BRWD3: variants seen among roughly 807,000 people sequenced by gnomAD.
BRWD3 encodes the protein bromodomain and WD repeat domain containing 3, also known as bromodomain and WD repeat-containing protein 3.
A neutral mutation model predicts 149.7 loss-of-function variants in BRWD3; 10 were observed. The ratio of observed to expected loss-of-function variants is 0.07; its 90% confidence interval spans 0.04 to 0.11. The LOEUF is 0.11. Ranked by LOEUF, BRWD3 falls within the 10% of genes least tolerant of loss-of-function variation. The pLI, the probability that BRWD3 is intolerant of heterozygous loss-of-function variation, is 1.00. For synonymous variants in BRWD3, 504 were observed against 456.7 expected, an observed-to-expected ratio of 1.10 and a Z score of -1.32; for missense variants, 940 against 1,373.2, an observed-to-expected ratio of 0.68 and a Z score of 4.99.
At chrX:80,769,797 C>T (rs1173294935) in intron 6 of BRWD3, among the ~76,000 whole-genome samples, 3 of 108,855 alleles carry the variant, frequency 2.8e-5, no homozygotes, top group East Asian at 5.8e-4. Context: ...AAAAAAAAAT[C>T]AATGAATCCA....
chrX:80,808,640 G>A (rs1289455955), intron 3 of BRWD3, 42 bp from the exon 4 acceptor site: 3 of 1,150,247 alleles, frequency 2.6e-6, no homozygotes, highest in Non-Finnish European at 2.4e-6. Context: ...GGAGGCAAAT[G>A]ATGAAGGAAA....
intron 26 of BRWD3, 131 bp downstream of exon 26, chrX:80,696,608 T>C (rs921088487): frequency 4.2e-6 from 3 of 721,515 alleles, no homozygotes; most frequent in Non-Finnish European, 6.3e-6. Context: ...TAAACTCTGG[T>C]CTTTATAATT....
At chrX:80,775,280 G>A (rs2073988882) in intron 6 of BRWD3, among the ~76,000 whole-genome samples, 2 of 111,259 alleles carry the variant, frequency 1.8e-5, no homozygotes, top group Admixed American at 9.6e-5. Flanking sequence ...AGAATAATTG[G>A]GCCCCTACCT....
rs1442251394 is a variant in BRWD3, at chrX:80,701,830, C to A, written c.2835+1650G>T. Among the ~76,000 whole-genome samples, 23 of 110,709 alleles carry A rather than the reference C, an allele frequency of 2.1e-4. No homozygotes were observed. In the Admixed American group the frequency reaches 2.1e-3, roughly 10 times the overall value. On this transcript the variant is annotated intron_variant, in intron 24 of 40. Transcript: ENST00000373275. ...TCCACAAATACTGATCATTGAACATCTATGTGTAGGCACTAGATGCTGTGA... is the reference window on the plus strand; with the variant it reads ...TCCACAAATACTGATCATTGAACATATATGTGTAGGCACTAGATGCTGTGA...
At position 80,670,396 on chromosome X, in the gene BRWD3, T is replaced by C. The variant is rs1252045820; in HGVS notation, c.*6213A>G. Among the ~76,000 whole-genome samples, 3 of 110,585 alleles carry C rather than the reference T, an allele frequency of 2.7e-5. No homozygotes were observed. Among genetic ancestry groups the C allele is most frequent in the Middle Eastern group, 4.7e-3 (1 of 212 alleles). On this transcript the variant is annotated 3_prime_UTR_variant, in exon 41 of 41. Coordinates refer to ENST00000373275, the MANE Select transcript of BRWD3 (RefSeq NM_153252.5). ...GCTTTAAATTGTCAAGAACATATAA[T>C]TGAGAGAGGATGGAGAGCACCTTTT...
At chrX:80,713,425 T>C (rs1602340753) in intron 20 of BRWD3, among the ~76,000 whole-genome samples, 1 of 111,855 alleles carries the variant, frequency 8.9e-6, no homozygotes, top group Non-Finnish European at 1.9e-5. Flanking sequence ...ATGTGCTGTG[T>C]CCACTCAGAG....
At chrX:80,760,403 T>C (rs1039015453) in intron 6 of BRWD3, among the ~76,000 whole-genome samples, 2 of 111,865 alleles carry the variant, frequency 1.8e-5, no homozygotes, top group Admixed American at 9.5e-5. Flanking sequence ...TAATTAAAAC[T>C]GAATACAATT....
At chrX:80,742,391 T>G (rs1343022505) in intron 8 of BRWD3, among the ~76,000 whole-genome samples, 2 of 80,046 alleles carry the variant, frequency 2.5e-5, no homozygotes, top group East Asian at 7.9e-4. Flanking sequence ...CTTGGCAATG[T>G]GGGCTCTTTT....
Position 80,690,018 on chromosome X carries a change from G to T in BRWD3, c.3677C>A (p.Pro1226His). Residue 1226 changes from proline to histidine, a missense_variant, in exon 32 of 41, where the codon CCT (proline) becomes CAT (histidine). Pro to His is a moderately conservative substitution (Grantham distance 77). This residue lies in a region of BRWD3 where 349 missense variants were observed against 419.6 expected (regional missense o/e 0.83). Coordinates refer to ENST00000373275, the MANE Select transcript of BRWD3 (RefSeq NM_153252.5). Reference sequence around the variant, plus strand: ...TACAATTTTAGCTGCTTTAACTATAGGACTGTCTGGCTCATTGAAAGTCCT... The same window carrying T: ...TACAATTTTAGCTGCTTTAACTATATGACTGTCTGGCTCATTGAAAGTCCT... The part of the protein sequence containing the change: ...NARTFNEPDS[P>H]IVKAAKIVTD... 8.3e-7 allele frequency: 1 copy of T among 1,207,133 alleles called. No individual in the cohort carries two copies. The highest frequency in any genetic ancestry group is 1.7e-5 in the African/African-American group (1 of 57,617).
rs1569261001 is a variant in BRWD3, at chrX:80,722,580, G to T, written c.1858C>A (p.Leu620Met). 2.5e-6 allele frequency: 3 copies of T among 1,209,968 alleles called. No homozygotes were observed. The highest frequency in any genetic ancestry group is 3.4e-6 in the Non-Finnish European group (3 of 893,985). The change falls in exon 17 of 41, where the codon CTG becomes ATG. Residue 620 changes from leucine to methionine, a missense_variant. Physicochemically the swap from Leu to Met is conservative, Grantham distance 15. Around this residue, in one of 6 missense-constraint regions of BRWD3, gnomAD observed 209 missense variants for 396.8 expected, o/e 0.53. Coordinates refer to ENST00000373275, the MANE Select transcript of BRWD3 (RefSeq NM_153252.5). ...NCKDEQLIPQ[L>M]GYVANGDGEV... ...AACATACCATTAGCCACATATCCCA[G>T]CTGTGGTATAAGCTGTTCATCTTTA... is the stretch of plus-strand genomic sequence containing the variant.
rs1458478130 is a variant in BRWD3, at chrX:80,803,837, A to G, written c.180+4702T>C. Among the ~76,000 whole-genome samples the G allele has an allele frequency of 2.7e-5, 3 of 112,452 alleles. No homozygotes were observed. In the East Asian group the frequency reaches 8.3e-4, roughly 31 times the overall value. ...GATCATTCTGCTATTCTAATTGACAATTTAAGCTATTATTAGTAATTGGAG... is the reference window on the plus strand; with the variant it reads ...GATCATTCTGCTATTCTAATTGACAGTTTAAGCTATTATTAGTAATTGGAG... On this transcript the variant is annotated intron_variant, in intron 4 of 40. Transcript: ENST00000373275.
intron 39 of BRWD3, among the ~76,000 whole-genome samples, chrX:80,681,718 T>C (rs2072450289): frequency 9.0e-6 from 1 of 111,696 alleles, no homozygotes; most frequent in Non-Finnish European, 1.9e-5. Flanking sequence ...TGTTGGTAAA[T>C]ATATTGTAGA....
Position 80,724,920 on chromosome X carries a change from A to G in BRWD3, c.1521+13T>C, listed in dbSNP as rs1224364691. On this transcript the variant is annotated intron_variant, in intron 15 of 40. Coordinates refer to ENST00000373275, the MANE Select transcript of BRWD3 (RefSeq NM_153252.5). ...GTTTTAATGTGAACTAGATACAGGT[A>G]GGTGTCTCTTACCATGTTAAAGTAA... 8.3e-7 allele frequency: 1 copy of G among 1,209,625 alleles called. No individual in the cohort carries two copies. Among genetic ancestry groups the G allele is most frequent in the East Asian group, 3.0e-5 (1 of 33,772 alleles).
At chrX:80,733,623 C>G (rs183436539) in intron 11 of BRWD3, 127 bp from the exon 12 acceptor site, 18 of 505,374 alleles carry the variant, frequency 3.6e-5, no homozygotes, top group Non-Finnish European at 6.0e-5. Context: ...TTCAATGAAG[C>G]CCAAAACAAT....
rs1246048976 is a variant in BRWD3, at chrX:80,675,206, GT to G, written c.*1402del. 5 of 111,771 alleles carry G rather than the reference GT, an allele frequency of 4.5e-5. No homozygotes were observed. The highest frequency in any genetic ancestry group is 3.7e-4 in the South Asian group (1 of 2,686). The allele number at this position is 111,771 out of a possible 1,213,427, so 9.2% of individuals were successfully genotyped here. A position where few individuals can be genotyped will look rare whatever the true frequency, so the allele number is the denominator to read the frequency against. On this transcript the variant is annotated 3_prime_UTR_variant, in exon 41 of 41. Coordinates refer to ENST00000373275, the MANE Select transcript of BRWD3 (RefSeq NM_153252.5). ...CAAGACAATAAGGGTTTTTAAAGAT[GT>G]TTTTTATCTATAAAATAATGATTCA...
chrX:80,681,509 T>G lies in BRWD3; in HGVS notation c.4496-10A>C. 3 of 1,177,905 alleles carry G rather than the reference T, an allele frequency of 2.5e-6. No individual in the cohort carries two copies. Among genetic ancestry groups the G allele is most frequent in the Non-Finnish European group, 3.5e-6 (3 of 865,810 alleles). On this transcript the variant is annotated splice_polypyrimidine_tract_variant and intron_variant, in intron 39 of 40. Transcript: ENST00000373275. The stretch of plus-strand genomic sequence containing the variant: ...TCAGCAGCATCTGAAACTTACATTT[T>G]AAAAGATTTTAATACTAACATAATT...
chrX:80,741,491 T>G (rs1364519866), intron 8 of BRWD3, among the ~76,000 whole-genome samples: 2 of 112,003 alleles, frequency 1.8e-5, no homozygotes, highest in African/African-American at 6.5e-5. Flanking sequence ...CCACACTGAC[T>G]TCCACAATGG....
chrX:80,728,385 G>GA, intron 14 of BRWD3, among the ~76,000 whole-genome samples: 1 of 110,959 alleles, frequency 9.0e-6, no homozygotes, highest in African/African-American at 3.3e-5. Context: ...CCTATTCCTT[G>GA]AAAAAACTAT....
chrX:80,681,556 A>C, intron 39 of BRWD3, 57 bp from the exon 40 acceptor site: 1 of 977,435 alleles, frequency 1.0e-6, no homozygotes, highest in Non-Finnish European at 1.4e-6. Flanking sequence ...AGGAAAGTTA[A>C]ACAGGCTACT....
Sources: gnomAD v4.1 joint callset for allele counts (sites outside exome capture counted in the v4.1 genomes callset) on GRCh38, gnomAD v4.1.1 for gene constraint, gnomAD v4.1.1 regional missense constraint, MANE v1.5 for transcripts, NCBI Gene and HGNC (gene_info 2026-07-23, HGNC 2026-07-21) for gene names.